The following TECPR2 variants were observed in gnomAD, a reference collection of about 807,000 sequenced individuals.
The protein encoded by TECPR2 is tectonin beta-propeller repeat containing 2, also known as tectonin beta-propeller repeat-containing protein 2.
In TECPR2, 65 loss-of-function variants were observed where a neutral mutation model predicts 138.1. The ratio of observed to expected loss-of-function variants is 0.47; its 90% CI spans 0.39 to 0.58. The LOEUF is 0.58. Among genes scored for constraint, TECPR2 ranks in the 20% least tolerant of loss-of-function variants. TECPR2 has a pLI of 0.00. For synonymous variants in TECPR2, 746 were observed against 749.8 expected (o/e 0.99, Z 0.08); for missense variants, 1,553 against 1,824.5 (o/e 0.85, Z 2.71).
chr14:102,381,959 T>G (rs962881484), intron 2 of TECPR2, among the ~76,000 whole-genome samples: 2 of 152,220 alleles, frequency 1.3e-5, no homozygotes, highest in African/African-American at 4.8e-5. Context: ...TTGTACATTC[T>G]TCTTGAAGAG....
chr14:102,486,965 G>A (rs1307588107), intron 17 of TECPR2, among the ~76,000 whole-genome samples: 3 of 152,160 alleles, frequency 2.0e-5, no homozygotes, highest in African/African-American at 7.2e-5. Context: ...CTACCACGGG[G>A]CCATGTGACA....
chr14:102,444,848 G>A (rs773838371), intron 12 of TECPR2, among the ~76,000 whole-genome samples: 3 of 152,158 alleles, frequency 2.0e-5, no homozygotes, highest in Non-Finnish European at 4.4e-5. Flanking sequence ...AGGAGGCTGA[G>A]GCAGGAGAAT....
rs374938907 is a variant in TECPR2 at position 102,437,992 on chromosome 14, C to T, written c.2395-30C>T. ...AGCCAAATGTGGCTGTGTCCTCTGCCACAGAACTCACTGGCTCTTCCCTTG... is the reference window on the plus strand; with the variant it reads ...AGCCAAATGTGGCTGTGTCCTCTGCTACAGAACTCACTGGCTCTTCCCTTG... On this transcript the variant is annotated intron_variant, in intron 9 of 19. Coordinates refer to ENST00000359520, the MANE Select transcript of TECPR2 (RefSeq NM_014844.5). The T allele has an allele frequency of 4.9e-4, 784 of 1,607,316 alleles. 16 individuals are homozygous for T. The South Asian group carries it at 6.4e-3, about 13-fold the overall frequency.
chr14:102,428,469 C>G, intron 7 of TECPR2, 87 bp downstream of exon 7: 1 of 1,574,314 alleles, frequency 6.4e-7, no homozygotes, highest in Non-Finnish European at 8.6e-7. Flanking sequence ...ATTGATCAAA[C>G]TTACCATTGG....
chr14:102,493,593 T>C (rs1372789493), intron 17 of TECPR2, among the ~76,000 whole-genome samples: 1 of 152,160 alleles, frequency 6.6e-6, no homozygotes, highest in Non-Finnish European at 1.5e-5. Flanking sequence ...AGGTGGTGAA[T>C]AGAAATCCCA....
chr14:102,364,951 A>G (rs1887304175), intron 1 of TECPR2, among the ~76,000 whole-genome samples: 1 of 152,230 alleles, frequency 6.6e-6, no homozygotes. Flanking sequence ...TAAAATTAGA[A>G]GGGAGTAGTT....
At chr14:102,396,641 C>T (rs1888323096) in intron 2 of TECPR2, among the ~76,000 whole-genome samples, 1 of 152,110 alleles carries the variant, frequency 6.6e-6, no homozygotes, top group Non-Finnish European at 1.5e-5. Flanking sequence ...TTTTGGAACT[C>T]GGAAGTCTAC....
intron 2 of TECPR2, among the ~76,000 whole-genome samples, chr14:102,399,853 AAAAAG>A (rs1567324280): frequency 6.6e-6 from 1 of 151,896 alleles, no homozygotes. Context: ...AAGAAAAAAA[AAAAAG>A]AAAAAGAAAT....
chr14:102,434,463 T>A lies in TECPR2; in HGVS notation c.1646T>A (p.Val549Asp). The A allele has an allele frequency of 1.3e-6, 2 of 1,551,654 alleles. No individual in the cohort carries two copies. Among genetic ancestry groups the A allele is most frequent in the Non-Finnish European group, 1.7e-6 (2 of 1,151,204 alleles). ...QENTDPETFN[V>D]LEVSGSMPDS... Reference sequence around the variant, plus strand: ...AATACTGACCCCGAAACGTTTAATGTCCTGGAGGTGTCAGGATCAATGCCT... The same window carrying A: ...AATACTGACCCCGAAACGTTTAATGACCTGGAGGTGTCAGGATCAATGCCT... The change falls in exon 9 of 20, where the codon GTC (valine) becomes GAC (aspartate). Residue 549 changes from valine to aspartate, a missense_variant. Val to Asp is a radical substitution (Grantham distance 152). Transcript: ENST00000359520.
intron 5 of TECPR2, among the ~76,000 whole-genome samples, chr14:102,422,320 G>A (rs1223361030): frequency 2.6e-5 from 4 of 152,150 alleles, no homozygotes; most frequent in South Asian, 2.1e-4. Flanking sequence ...TGGAAACTGC[G>A]ACATTAGCAA....
At chr14:102,431,564 G>T (rs186736752) in intron 7 of TECPR2, among the ~76,000 whole-genome samples, 8 of 152,046 alleles carry the variant, frequency 5.3e-5, no homozygotes, top group East Asian at 1.9e-4. Flanking sequence ...GGATGGTCTT[G>T]ATCTCCTGAC....
chr14:102,470,256 GT>G (rs1890628724), intron 17 of TECPR2, among the ~76,000 whole-genome samples: 1 of 151,258 alleles, frequency 6.6e-6, no homozygotes, highest in Non-Finnish European at 1.5e-5. Flanking sequence ...TTTGTGGGAA[GT>G]TTTTTTGACT....
intron 17 of TECPR2, among the ~76,000 whole-genome samples, chr14:102,467,319 ATTTTTTTTT>A (rs35221234): frequency 1.7e-5 from 2 of 114,422 alleles, no homozygotes; most frequent in Non-Finnish European, 3.5e-5. Context: ...ATCCTCACCA[ATTTTTTTTT>A]TTTTTTTTTT....
At chr14:102,402,548 A>G (rs1888521267) in intron 2 of TECPR2, among the ~76,000 whole-genome samples, 1 of 152,148 alleles carries the variant, frequency 6.6e-6, no homozygotes, top group Non-Finnish European at 1.5e-5. Flanking sequence ...TAAGATTAGA[A>G]CAGAGGTAAA....
At chr14:102,438,456 T>C (rs1889740955) in intron 10 of TECPR2, 1 of 473,488 alleles carries the variant, frequency 2.1e-6, no homozygotes, top group East Asian at 3.9e-5. Context: ...TCTTTATTAA[T>C]TGCAATGGTA....
intron 4 of TECPR2, among the ~76,000 whole-genome samples, chr14:102,409,355 A>G (rs544537975): frequency 7.9e-5 from 12 of 151,304 alleles, no homozygotes; most frequent in African/African-American, 2.7e-4. Flanking sequence ...GCTGGAGTGC[A>G]GTGGCCCAAT....
chr14:102,377,722 GAA>G (rs1292370669), intron 2 of TECPR2, among the ~76,000 whole-genome samples: 1 of 151,828 alleles, frequency 6.6e-6, no homozygotes, highest in Non-Finnish European at 1.5e-5. Context: ...AAGAAAGAAA[GAA>G]AAAAAGAGAA....
In TECPR2 at chr14:102,438,176, C is replaced by T. The variant is rs1187459297; in HGVS notation, c.2549C>T (p.Ala850Val). 5 of 1,611,274 alleles carry T rather than the reference C, an allele frequency of 3.1e-6. No individual in the cohort carries two copies. The highest frequency in any genetic ancestry group is 4.2e-6 in the Non-Finnish European group (5 of 1,179,900). The change falls in exon 10 of 20, where the codon GCT (alanine) becomes GTT (valine). Residue 850 changes from alanine to valine, a missense_variant. By Grantham distance (64) the Ala-to-Val change is moderately conservative. Coordinates refer to ENST00000359520, the MANE Select transcript of TECPR2 (RefSeq NM_014844.5). ...CTGCGCTGGCAGAAGTTTGAAGATG[C>T]TGTCCAGCAGGTGGCAGTCTCGCCC... is the stretch of plus-strand genomic sequence containing the variant. The part of the protein sequence containing the change: ...AGLRWQKFED[A>V]VQQVAVSPSG...
intron 1 of TECPR2, among the ~76,000 whole-genome samples, chr14:102,364,127 G>T (rs114868537): frequency 0.018 from 2,692 of 152,260 alleles, 77 homozygotes; most frequent in African/African-American, 0.061. Flanking sequence ...TTGCACTTGT[G>T]GACTGCCTCC....
Sources: allele counts gnomAD v4.1 joint callset (sites outside exome capture counted in the v4.1 genomes callset), GRCh38; gene constraint gnomAD v4.1.1; transcripts MANE v1.5; gene names NCBI Gene and HGNC (gene_info 2026-07-23, HGNC 2026-07-21).